Variants in ATP10D observed in about 807,000 individuals in gnomAD.
ATP10D encodes ATPase phospholipid transporting 10D (putative).
Under a neutral mutation model 144.8 loss-of-function variants are expected in ATP10D, and 89 were observed. The ratio of observed to expected loss-of-function variants is 0.61; its 90% CI spans 0.52 to 0.73. ATP10D has a LOEUF of 0.73. ATP10D is among the 30% of genes least tolerant of loss of function. The pLI is 0.00. For synonymous variants in ATP10D, 571 were observed against 615.1 expected, an observed-to-expected ratio of 0.93 and a Z score of 1.06; for missense variants, 1,603 against 1,714.8, an observed-to-expected ratio of 0.93 and a Z score of 1.15.
At chr4:47,518,427 A>G (rs1716790150) in intron 3 of ATP10D, among the ~76,000 whole-genome samples, 1 of 152,194 alleles carries the variant, frequency 6.6e-6, no homozygotes, top group Non-Finnish European at 1.5e-5. Flanking sequence ...AGGTTTTAAA[A>G]TCTGTTTTAA....
intron 21 of ATP10D, among the ~76,000 whole-genome samples, chr4:47,584,698 A>C (rs1720696525): frequency 6.6e-6 from 1 of 152,188 alleles, no homozygotes; most frequent in Non-Finnish European, 1.5e-5. Flanking sequence ...GCCTGGCCAA[A>C]GCATGTTTTA....
In ATP10D at chr4:47,512,743, C is replaced by G. The variant is rs1171298737; in HGVS notation, c.203C>G (p.Ser68Cys). The change falls in exon 2 of 23, where the codon TCC becomes TGC. Residue 68 changes from serine (S) to cysteine (C), a missense_variant. Coordinates refer to ENST00000273859, the MANE Select transcript of ATP10D (RefSeq NM_020453.4). ...TTCAAGGATGAGTATGAGAAGTTCTCCGGAGCCTATGTGAACAATCGAATA... is the reference window on the plus strand; with the variant it reads ...TTCAAGGATGAGTATGAGAAGTTCTGCGGAGCCTATGTGAACAATCGAATA... The part of the protein sequence containing the change: ...QPFKDEYEKF[S>C]GAYVNNRIRT... 6.2e-7 allele frequency: 1 copy of G among 1,614,192 alleles called. No individual in the cohort carries two copies. The highest frequency in any genetic ancestry group is 1.7e-5 in the Admixed American group (1 of 60,024).
chr4:47,564,821 T>C (rs1332380169), intron 15 of ATP10D, among the ~76,000 whole-genome samples: 2 of 152,366 alleles, frequency 1.3e-5, no homozygotes, highest in East Asian at 3.9e-4. Flanking sequence ...CCCATTCTTC[T>C]TCAGCAGTCA....
At chr4:47,498,702 A>G (rs1478292799) in intron 1 of ATP10D, among the ~76,000 whole-genome samples, 2 of 152,214 alleles carry the variant, frequency 1.3e-5, no homozygotes, top group Non-Finnish European at 2.9e-5. Flanking sequence ...AATTCACTGA[A>G]AAGTATTCGT....
Position 47,587,186 on chromosome 4 carries a change from G to T in ATP10D, c.3921G>T (p.Thr1307=), listed in dbSNP as rs1316874. The T allele has an allele frequency of 6.2e-7, 1 of 1,612,550 alleles. No individual in the cohort carries two copies. The highest frequency in any genetic ancestry group is 8.5e-7 in the Non-Finnish European group (1 of 1,179,068). Residue 1307 remains threonine (T), a synonymous_variant, in exon 22 of 23, where the codon ACG becomes ACT. Transcript: ENST00000273859. ...TCTACTTAGTTTGTATCCTCACGAC[G>T]TCCATTGCTCTTCTGCCCAGGTATG... ...PVFYLVCILT[T]SIALLPRFVY...
intron 20 of ATP10D, 52 bp downstream of exon 20, chr4:47,580,530 C>T (rs1397140062): frequency 6.6e-7 from 1 of 1,507,454 alleles, no homozygotes; most frequent in Admixed American, 1.7e-5. Flanking sequence ...AATGATGCTT[C>T]TTTGTACTTT....
intron 11 of ATP10D, among the ~76,000 whole-genome samples, chr4:47,557,264 G>C (rs1278577669): frequency 1.3e-5 from 2 of 151,838 alleles, no homozygotes; most frequent in African/African-American, 4.8e-5. Context: ...TAAGATCATG[G>C]AATTCCTGTA....
At position 47,569,095 on chromosome 4, in the gene ATP10D, G is replaced by C; in HGVS notation, c.3112G>C (p.Glu1038Gln). 1.2e-6 allele frequency: 2 copies of C among 1,614,172 alleles called. No homozygotes were observed. Among genetic ancestry groups the C allele is most frequent in the Non-Finnish European group, 1.7e-6 (2 of 1,180,042 alleles). Residue 1038 changes from glutamate to glutamine, a missense_variant, in exon 16 of 23, where the codon GAA becomes CAA. Glu to Gln is a conservative substitution (Grantham distance 29). Transcript: ENST00000273859. ...CCGAGCCACACCGCTGCAGAAAAGTGAAGTGGTGAAATTGGTCCGCAGCCA... is the reference window on the plus strand; with the variant it reads ...CCGAGCCACACCGCTGCAGAAAAGTCAAGTGGTGAAATTGGTCCGCAGCCA... ...CCRATPLQKS[E>Q]VVKLVRSHLQ...
At chr4:47,571,221 T>G (rs1719931447) in intron 16 of ATP10D, among the ~76,000 whole-genome samples, 1 of 151,164 alleles carries the variant, frequency 6.6e-6, no homozygotes, top group Admixed American at 6.6e-5. Context: ...AAGCAAAAAC[T>G]CCTGGATTTA....
chr4:47,551,801 G>GTAAT (rs1198376162), intron 10 of ATP10D, among the ~76,000 whole-genome samples: 1 of 152,160 alleles, frequency 6.6e-6, no homozygotes, highest in African/African-American at 2.4e-5. Flanking sequence ...AGCTAATAAT[G>GTAAT]TAATCCTGGG....
chr4:47,562,720 A>G (rs917001927), intron 14 of ATP10D, among the ~76,000 whole-genome samples: 5 of 152,174 alleles, frequency 3.3e-5, no homozygotes, highest in African/African-American at 9.7e-5. Flanking sequence ...AAATCATTAT[A>G]TCAAAAAAGT....
At position 47,558,286 on chromosome 4, in the gene ATP10D, A is replaced by G; in HGVS notation, c.2434+13A>G. On this transcript the variant is annotated intron_variant, in intron 12 of 22. Transcript: ENST00000273859. ...GTGGCTTCCCCAGGTAAGTTTATACAAAAGTGAAATAGTAGTGATTTGAAA... is the reference window on the plus strand; with the variant it reads ...GTGGCTTCCCCAGGTAAGTTTATACGAAAGTGAAATAGTAGTGATTTGAAA... The G allele has an allele frequency of 6.2e-7, 1 of 1,607,796 alleles. No individual in the cohort carries two copies. The highest frequency in any genetic ancestry group is 8.5e-7 in the Non-Finnish European group (1 of 1,175,764).
chr4:47,489,412 A>T (rs1013427504), intron 1 of ATP10D, among the ~76,000 whole-genome samples: 8 of 152,206 alleles, frequency 5.3e-5, no homozygotes, highest in African/African-American at 1.7e-4. Context: ...ACCTATGCAC[A>T]GAACCCAATT....
rs1310861931 is a variant in ATP10D, at chr4:47,542,648, TG to T, written c.1397-3975del. 3.3e-5 allele frequency among the ~76,000 whole-genome samples: 5 copies of T among 151,574 alleles called. No homozygotes were observed. In the South Asian group the frequency reaches 6.3e-4, roughly 19 times the overall value. ...GCCCGCCACCACACCCAGCTAATTT[TG>T]TGTATTTTTAGTAGAGATGGGGTTT... On this transcript the variant is annotated intron_variant, in intron 9 of 22. Coordinates refer to ENST00000273859, the MANE Select transcript of ATP10D (RefSeq NM_020453.4).
At chr4:47,565,108 G>A (rs1254679423) in intron 15 of ATP10D, among the ~76,000 whole-genome samples, 4 of 152,120 alleles carry the variant, frequency 2.6e-5, no homozygotes, top group East Asian at 1.9e-4. Flanking sequence ...ACAGGCTCCC[G>A]ACACCACGCC....
intron 1 of ATP10D, chr4:47,491,016 C>G: frequency 1.4e-6 from 1 of 707,348 alleles, no homozygotes; most frequent in Non-Finnish European, 2.7e-6. Context: ...GAGGTTCCAG[C>G]AGCTCAGGTT....
chr4:47,510,748 T>C (rs11726218), intron 1 of ATP10D, among the ~76,000 whole-genome samples: 28,292 of 152,188 alleles, frequency 0.19, 2,776 homozygotes, highest in African/African-American at 0.21. Flanking sequence ...TATTTCAGAA[T>C]TTAAAAAGGG....
At chr4:47,517,331 G>A (rs1020672071) in intron 3 of ATP10D, among the ~76,000 whole-genome samples, 12 of 152,138 alleles carry the variant, frequency 7.9e-5, no homozygotes, top group Non-Finnish European at 1.0e-4. Context: ...TGGGAGGATC[G>A]CCTGAGCCCG....
chr4:47,551,825 G>T (rs1718745138), intron 10 of ATP10D, among the ~76,000 whole-genome samples: 1 of 152,200 alleles, frequency 6.6e-6, no homozygotes, highest in African/African-American at 2.4e-5. Context: ...CAATAAGGAA[G>T]ATTTGGATCT....
Sources: allele counts gnomAD v4.1 joint callset (sites outside exome capture counted in the v4.1 genomes callset), GRCh38; gene constraint gnomAD v4.1.1; transcripts MANE v1.5; gene names NCBI Gene and HGNC (gene_info 2026-07-23, HGNC 2026-07-21).